Variants in VPS13C observed in about 807,000 individuals in gnomAD.
VPS13C encodes the protein vacuolar protein sorting 13 homolog C, also known as intermembrane lipid transfer protein VPS13C.
In VPS13C, 358 loss-of-function variants were observed where a neutral mutation model predicts 456.8. The ratio of observed to expected loss-of-function variants is 0.78; its 90% CI spans 0.72 to 0.86. The LOEUF (loss-of-function observed/expected upper bound fraction) is 0.86. Ranked by LOEUF, VPS13C falls within the 40% of genes least tolerant of loss-of-function variation. The pLI is 0.00. For missense variants in VPS13C, 4,818 were observed against 4,385.4 expected (o/e 1.10, Z -2.79); for synonymous variants, 1,578 against 1,486.7 (o/e 1.06, Z -1.41).
At chr15:61,882,949 G>C (rs1021986653) in intron 68 of VPS13C, among the ~76,000 whole-genome samples, 1 of 151,986 alleles carries the variant, frequency 6.6e-6, no homozygotes, top group Non-Finnish European at 1.5e-5. Flanking sequence ...AACTTTTCAA[G>C]TATAGAAACT....
At chr15:62,055,382 C>G (rs995367473) in intron 1 of VPS13C, among the ~76,000 whole-genome samples, 6 of 151,652 alleles carry the variant, frequency 4.0e-5, no homozygotes, top group Non-Finnish European at 7.4e-5. Context: ...CGCCTGCCCC[C>G]ATGCCCGGCT....
chr15:61,865,359 T>C (rs1208278323), intron 81 of VPS13C: 3 of 980,026 alleles, frequency 3.1e-6, no homozygotes, highest in African/African-American at 1.8e-5. Flanking sequence ...CACAATGTAA[T>C]GTCACCTCAA....
At chr15:61,899,471 A>G (rs1173639269) in intron 66 of VPS13C, among the ~76,000 whole-genome samples, 1 of 152,210 alleles carries the variant, frequency 6.6e-6, no homozygotes, top group Non-Finnish European at 1.5e-5. Flanking sequence ...CAAATAAACT[A>G]TACTATAAAC....
At chr15:62,010,729 T>A in intron 12 of VPS13C, 130 bp from the exon 13 acceptor site, 2 of 965,666 alleles carry the variant, frequency 2.1e-6, no homozygotes, top group Non-Finnish European at 2.8e-6. Flanking sequence ...ACAAAATCAC[T>A]ACCAAAAAAT....
intron 35 of VPS13C, among the ~76,000 whole-genome samples, chr15:61,961,114 C>T (rs1412036889): frequency 6.7e-6 from 1 of 148,890 alleles, no homozygotes; most frequent in Admixed American, 6.7e-5. Context: ...CTGGGCCAGG[C>T]GCGGTGGCTC....
chr15:61,913,446 G>T (rs771945474), intron 61 of VPS13C, 31 bp from the exon 62 acceptor site: 1 of 1,565,204 alleles, frequency 6.4e-7, no homozygotes, highest in South Asian at 1.1e-5. Flanking sequence ...CGTCATATAA[G>T]AAATCTAAAA....
In VPS13C at chr15:61,961,507, G is replaced by A; in HGVS notation, c.3908+82C>T. Reference sequence around the variant, plus strand: ...GGAACAGTTTATTTGAATAAACTGTGTTGGGTAGGAATTTCAAGTCATAAA... The same window carrying A: ...GGAACAGTTTATTTGAATAAACTGTATTGGGTAGGAATTTCAAGTCATAAA... On this transcript the variant is annotated intron_variant, in intron 35 of 84. Coordinates refer to ENST00000644861, the MANE Select transcript of VPS13C (RefSeq NM_020821.3). The A allele has an allele frequency of 2.2e-6, 3 of 1,346,954 alleles. No individual in the cohort carries two copies. In the South Asian group the frequency reaches 4.6e-5, roughly 21 times the overall value. 83.4% of individuals were successfully genotyped at this position (1,346,954 alleles called of 1,614,324 possible). A position where few individuals can be genotyped will look rare whatever the true frequency, so the allele number is the denominator to read the frequency against.
chr15:61,934,548 G>A (rs966849790), intron 48 of VPS13C, among the ~76,000 whole-genome samples: 7 of 152,202 alleles, frequency 4.6e-5, no homozygotes, highest in Middle Eastern at 3.4e-3. Flanking sequence ...GTGCAAAGAG[G>A]CACAGGCAGA....
intron 16 of VPS13C, among the ~76,000 whole-genome samples, chr15:61,993,365 A>G (rs1436491309): frequency 2.0e-5 from 3 of 151,996 alleles, no homozygotes; most frequent in Admixed American, 1.3e-4. Context: ...ATTTTTTTAC[A>G]CTTTGGGGTA....
intron 66 of VPS13C, among the ~76,000 whole-genome samples, chr15:61,901,590 A>G (rs2042998157): frequency 6.6e-6 from 1 of 152,206 alleles, no homozygotes; most frequent in Non-Finnish European, 1.5e-5. Flanking sequence ...TAGAATGGCA[A>G]TCATTAAAAA....
rs531714275 is a variant in VPS13C at position 61,981,311 on chromosome 15, T to C, written c.2166+31A>G. 6.4e-6 allele frequency: 10 copies of C among 1,568,930 alleles called. No individual in the cohort carries two copies. The East Asian group carries it at 1.8e-4, about 29-fold the overall frequency. On this transcript the variant is annotated intron_variant, in intron 22 of 84. Transcript: ENST00000644861. ...AGTTAGCTAGCAAGCAGGTCAAAGA[T>C]GGGCAGACAAAAAAACGCATATATA...
chr15:61,971,506 C>T (rs557341739), intron 27 of VPS13C, among the ~76,000 whole-genome samples: 1 of 152,258 alleles, frequency 6.6e-6, no homozygotes, highest in South Asian at 2.1e-4. Context: ...GATGATCCAC[C>T]CACCTCGGGC....
intron 61 of VPS13C, 129 bp from the exon 62 acceptor site, chr15:61,913,544 C>G (rs1221543361): frequency 2.9e-6 from 2 of 694,066 alleles, no homozygotes; most frequent in Non-Finnish European, 4.6e-6. Context: ...TAATCAAAGC[C>G]ATATTGCAAA....
intron 10 of VPS13C, 34 bp from the exon 11 acceptor site, chr15:62,013,153 A>C (rs1183266791): frequency 6.8e-7 from 1 of 1,470,900 alleles, no homozygotes; most frequent in Non-Finnish European, 9.3e-7. Flanking sequence ...TCAGGCAATC[A>C]ACACACTGAA....
At chr15:62,054,774 A>C (rs1015826225) in intron 1 of VPS13C, among the ~76,000 whole-genome samples, 1 of 152,174 alleles carries the variant, frequency 6.6e-6, no homozygotes, top group Admixed American at 6.5e-5. Context: ...AAGAATATTA[A>C]TACCTCTAAA....
At chr15:62,034,162 C>T (rs894878644) in intron 4 of VPS13C, among the ~76,000 whole-genome samples, 4 of 151,186 alleles carry the variant, frequency 2.6e-5, no homozygotes, top group Non-Finnish European at 5.9e-5. Context: ...AGTAGGTAGC[C>T]CACAATAGAA....
At chr15:62,012,221 GACACACACACACACACACAC>G (rs67220908) in intron 11 of VPS13C, 57 bp from the exon 12 acceptor site, 5 of 511,142 alleles carry the variant, frequency 9.8e-6, no homozygotes, top group East Asian at 3.7e-5. Context: ...TTCAGACTCA[GACACACACACACACACACAC>G]ACACACACAC....
Position 61,974,411 on chromosome 15 carries a change from T to C in VPS13C, c.2415A>G (p.Lys805=). 6.2e-7 allele frequency: 1 copy of C among 1,611,544 alleles called. No individual in the cohort carries two copies. The highest frequency in any genetic ancestry group is 8.5e-7 in the Non-Finnish European group (1 of 1,178,424). The change falls in exon 25 of 85, where the codon AAA becomes AAG. Residue 805 remains lysine, a synonymous_variant. Coordinates refer to ENST00000644861, the MANE Select transcript of VPS13C (RefSeq NM_020821.3). ...GCATCAAAGGAAGTCCTCCTGACAC[T>C]TTAAATCTAAAAATACAATTCAGTG... The part of the protein sequence containing the change: ...VEKDIRMARF[K]VSGGLPLMHV...
intron 67 of VPS13C, among the ~76,000 whole-genome samples, chr15:61,884,986 G>T (rs1425413081): frequency 6.6e-6 from 1 of 152,056 alleles, no homozygotes; most frequent in Non-Finnish European, 1.5e-5. Context: ...TTAGGTAGAA[G>T]CTCCTCAATT....
Sources: gnomAD v4.1 joint callset for allele counts (sites outside exome capture counted in the v4.1 genomes callset) on GRCh38, gnomAD v4.1.1 for gene constraint, MANE v1.5 for transcripts, NCBI Gene and HGNC (gene_info 2026-07-23, HGNC 2026-07-21) for gene names.